The following EFCAB14 variants were observed in gnomAD, a reference collection of about 807,000 sequenced individuals.
EFCAB14 encodes EF-hand calcium binding domain 14.
EFCAB14 carries 43 observed loss-of-function variants against 56.5 expected under a neutral mutation model. The ratio of observed to expected loss-of-function variants is 0.76; its 90% CI spans 0.60 to 0.98. EFCAB14 has a LOEUF of 0.98. Ranked by LOEUF, EFCAB14 falls within the 50% of genes least tolerant of loss-of-function variation. The pLI is 0.00. For synonymous variants in EFCAB14, 235 were observed against 212.9 expected (o/e 1.10, Z -0.90); for missense variants, 538 against 580.3 (o/e 0.93, Z 0.75).
At chr1:46,691,629 T>C (rs1676993771) in intron 5 of EFCAB14, among the ~76,000 whole-genome samples, 198 bp downstream of exon 5, 1 of 152,254 alleles carries the variant, frequency 6.6e-6, no homozygotes, top group African/African-American at 2.4e-5. Context: ...AGTACTATGT[T>C]TGCAAAAGAT....
chr1:46,696,478 T>C, intron 4 of EFCAB14, 73 bp downstream of exon 4: 2 of 1,419,232 alleles, frequency 1.4e-6, no homozygotes, highest in African/African-American at 2.9e-5. Context: ...TATAAGAAGC[T>C]AGAATTATGG....
chr1:46,714,239 T>C (rs1677352515), intron 2 of EFCAB14, among the ~76,000 whole-genome samples: 1 of 152,150 alleles, frequency 6.6e-6, no homozygotes, highest in African/African-American at 2.4e-5. Context: ...TAATCTAGGC[T>C]TAAGATCGAA....
At chr1:46,713,305 C>G (rs1442778703) in intron 2 of EFCAB14, among the ~76,000 whole-genome samples, 1 of 152,108 alleles carries the variant, frequency 6.6e-6, no homozygotes, top group Non-Finnish European at 1.5e-5. Flanking sequence ...CTGACAATTC[C>G]AAATCTGCTT....
intron 3 of EFCAB14, among the ~76,000 whole-genome samples, chr1:46,705,891 G>A (rs1040919439): frequency 2.8e-4 from 43 of 151,896 alleles, no homozygotes; most frequent in Admixed American, 8.5e-4. Flanking sequence ...TTGAGACAGG[G>A]TCTTGCTCTG....
At chr1:46,708,920 G>A (rs1315659129) in intron 2 of EFCAB14, among the ~76,000 whole-genome samples, 1 of 149,372 alleles carries the variant, frequency 6.7e-6, no homozygotes, top group Admixed American at 6.7e-5. Flanking sequence ...AATAATGGCT[G>A]GTCCTCCAGA....
At chr1:46,684,272 T>G (rs959705330) in intron 9 of EFCAB14, 25 of 519,062 alleles carry the variant, frequency 4.8e-5, no homozygotes, top group African/African-American at 4.6e-4. Flanking sequence ...TATTTCCAGC[T>G]AAACATTACC....
At chr1:46,693,884 T>C (rs962033830) in intron 4 of EFCAB14, among the ~76,000 whole-genome samples, 36 of 152,106 alleles carry the variant, frequency 2.4e-4, no homozygotes, top group Non-Finnish European at 3.2e-4. Context: ...AACAGAGATA[T>C]AGACCAATGG....
intron 2 of EFCAB14, among the ~76,000 whole-genome samples, chr1:46,709,925 T>A (rs1038796241): frequency 6.6e-6 from 1 of 151,514 alleles, no homozygotes; most frequent in Non-Finnish European, 1.5e-5. Context: ...GAGGTGGAGG[T>A]TGTGTTGAGC....
chr1:46,707,974 C>G lies in EFCAB14; in HGVS notation c.412G>C (p.Glu138Gln), dbSNP rs763351702. The G allele has an allele frequency of 6.2e-7, 1 of 1,612,880 alleles. No homozygotes were observed. The highest frequency in any genetic ancestry group is 8.5e-7 in the Non-Finnish European group (1 of 1,179,738). The change falls in exon 3 of 11, where the codon GAG becomes CAG. Residue 138 changes from glutamate to glutamine, a missense_variant. Physicochemically the swap from Glu to Gln is conservative, Grantham distance 29. Transcript: ENST00000371933. ...CCCATCTCTCCAGATTCAATCTTCT[C>G]AAGTTGTTTTTGCTTGCTGAGTAGT... ...EELLSKQKQL[E>Q]KIESGEMGLN...
intron 2 of EFCAB14, among the ~76,000 whole-genome samples, chr1:46,713,556 T>C (rs11211344): frequency 0.37 from 56,340 of 152,046 alleles, 11,683 homozygotes; most frequent in East Asian, 0.74. Context: ...AGAAATTACC[T>C]GAAAAGCTCA....
intron 4 of EFCAB14, among the ~76,000 whole-genome samples, chr1:46,694,377 T>C (rs565993418): frequency 8.7e-4 from 133 of 152,144 alleles, no homozygotes; most frequent in Non-Finnish European, 1.6e-3. Context: ...TAAACAAATT[T>C]ACAAGAAAAA....
chr1:46,680,210 TA>T (rs1676770702), intron 10 of EFCAB14, among the ~76,000 whole-genome samples: 1 of 152,170 alleles, frequency 6.6e-6, no homozygotes, highest in Non-Finnish European at 1.5e-5. Flanking sequence ...CCTAGGTATA[TA>T]TATACTCAAG....
Position 46,689,664 on chromosome 1 carries a change from C to T in EFCAB14, c.718G>A (p.Gly240Arg). The part of the protein sequence containing the change: ...MNQHFLKETP[G>R]SNQIIPSPSA... ...GGTGACGGAATGATCTGGTTGCTTC[C>T]AGGAGTCTCCTTCAAGAAGTGCTGA... is the stretch of plus-strand genomic sequence containing the variant. Residue 240 changes from glycine to arginine, a missense_variant, in exon 6 of 11, where the codon GGA (glycine) becomes AGA (arginine). Gly to Arg is a moderately radical substitution (Grantham distance 125). Transcript: ENST00000371933. 1 of 1,613,794 alleles carries T rather than the reference C, an allele frequency of 6.2e-7. No homozygotes were observed. Among genetic ancestry groups the T allele is most frequent in the Non-Finnish European group, 8.5e-7 (1 of 1,179,774 alleles).
intron 3 of EFCAB14, among the ~76,000 whole-genome samples, chr1:46,701,978 C>G (rs1677165432): frequency 2.6e-5 from 4 of 152,216 alleles, no homozygotes; most frequent in South Asian, 2.1e-4. Context: ...AGGCACCCTC[C>G]CATTACTTTC....
In EFCAB14 at chr1:46,688,076, T is replaced by G. The variant is rs150677541; in HGVS notation, c.987+277A>C. Among the ~76,000 whole-genome samples the G allele has an allele frequency of 1.1e-4, 17 of 152,312 alleles. 1 individual carries two copies. In the East Asian group the frequency reaches 3.3e-3, roughly 29 times the overall value. On this transcript the variant is annotated intron_variant, in intron 7 of 10. Transcript: ENST00000371933. The stretch of plus-strand genomic sequence containing the variant: ...AGATGGCGCACTGGTAACATGACAG[T>G]AGCCTTGTCATCTCTGCCAACAACT...
intron 2 of EFCAB14, among the ~76,000 whole-genome samples, chr1:46,708,515 T>A (rs2148849665): frequency 6.6e-6 from 1 of 152,324 alleles, no homozygotes; most frequent in East Asian, 1.9e-4. Flanking sequence ...AGCTTTTAGA[T>A]TAGTCAATTA....
At position 46,716,157 on chromosome 1, in the gene EFCAB14, G is replaced by A. The variant is rs535517506; in HGVS notation, c.334+138C>T. On this transcript the variant is annotated intron_variant, in intron 2 of 10. Transcript: ENST00000371933. ...CCCAGTTACTCAGAAGGCTGACCAT[G>A]AGAATCACTTGAACCTGGGTGGCGG... 2.2e-5 allele frequency: 21 copies of A among 945,826 alleles called. No individual in the cohort carries two copies. The East Asian group carries it at 4.9e-4, about 22-fold the overall frequency. The allele number at this position is 945,826 out of a possible 1,614,324, so 58.6% of individuals were successfully genotyped here.
chr1:46,684,360 T>C, intron 9 of EFCAB14, 131 bp downstream of exon 9: 3 of 677,302 alleles, frequency 4.4e-6, no homozygotes, highest in Non-Finnish European at 7.6e-6. Context: ...GTGTATCAGC[T>C]TCATCTCGGT....
At chr1:46,717,793 C>T in intron 1 of EFCAB14, 110 bp downstream of exon 1, 2 of 1,194,254 alleles carry the variant, frequency 1.7e-6, no homozygotes, top group Non-Finnish European at 2.3e-6. Flanking sequence ...ACTTCCAAGG[C>T]CTACACCCTT....
Sources: allele counts gnomAD v4.1 joint callset (sites outside exome capture counted in the v4.1 genomes callset), GRCh38; gene constraint gnomAD v4.1.1; transcripts MANE v1.5; gene names NCBI Gene and HGNC (gene_info 2026-07-23, HGNC 2026-07-21).